KIAA1217: variants seen among roughly 807,000 people sequenced by gnomAD.
KIAA1217 encodes sickle tail protein homolog.
Under a neutral mutation model 163.9 loss-of-function variants are expected in KIAA1217, and 88 were observed. The observed-to-expected ratio is 0.54, with a 90% CI of 0.45 to 0.64. The LOEUF is 0.64. Ranked by LOEUF, KIAA1217 falls within the 30% of genes least tolerant of loss-of-function variation. The probability of loss-of-function intolerance (pLI) is 0.00; values close to 1 mark genes in which losing one functional copy is unlikely to be tolerated. For synonymous variants in KIAA1217, 903 were observed against 923.1 expected, an observed-to-expected ratio of 0.98 and a Z score of 0.39; for missense variants, 2,372 against 2,475.0, an observed-to-expected ratio of 0.96 and a Z score of 0.88.
At chr10:23,948,560 G>A (rs896637763) in intron 1 of KIAA1217, among the ~76,000 whole-genome samples, 1 of 151,924 alleles carries the variant, frequency 6.6e-6, no homozygotes, top group Admixed American at 6.6e-5. Context: ...TGATTTTGAG[G>A]GGAAAAAAAG....
intron 2 of KIAA1217, among the ~76,000 whole-genome samples, chr10:24,317,725 A>G (rs1391479240): frequency 6.6e-6 from 1 of 152,194 alleles, no homozygotes; most frequent in Non-Finnish European, 1.5e-5. Context: ...AAAGGTTCTT[A>G]GGCTTTCTCT....
intron 2 of KIAA1217, among the ~76,000 whole-genome samples, chr10:24,043,234 C>G (rs1049020248): frequency 6.6e-6 from 1 of 152,118 alleles, no homozygotes; most frequent in Non-Finnish European, 1.5e-5. Flanking sequence ...ATTTATAATA[C>G]TTACTTTAAT....
chr10:24,273,795 G>A (rs1175145099), intron 2 of KIAA1217, among the ~76,000 whole-genome samples: 1 of 151,004 alleles, frequency 6.6e-6, no homozygotes, highest in East Asian at 1.9e-4. Flanking sequence ...GGAGGTTGCA[G>A]TGAGCCGAGA....
intron 3 of KIAA1217, among the ~76,000 whole-genome samples, chr10:24,414,869 G>A (rs1236476929): frequency 6.6e-6 from 1 of 150,468 alleles, no homozygotes; most frequent in African/African-American, 2.4e-5. Context: ...CTAGGAGGAA[G>A]TAGCCATGTG....
At chr10:23,798,481 C>T (rs12415090) in intron 1 of KIAA1217, among the ~76,000 whole-genome samples, 6,155 of 152,104 alleles carry the variant, frequency 0.04, 160 homozygotes, top group South Asian at 0.081. Flanking sequence ...TGCCACTTCA[C>T]GTTAATTTTT....
chr10:24,014,554 A>G (rs1475418821), intron 2 of KIAA1217, among the ~76,000 whole-genome samples: 7 of 152,292 alleles, frequency 4.6e-5, no homozygotes, highest in Admixed American at 2.0e-4. Flanking sequence ...GACCCAAAGC[A>G]GTAGAGAGAA....
At chr10:24,113,459 A>G (rs1426224635) in intron 2 of KIAA1217, among the ~76,000 whole-genome samples, 1 of 152,192 alleles carries the variant, frequency 6.6e-6, no homozygotes, top group Non-Finnish European at 1.5e-5. Context: ...CTTTTTAAGG[A>G]AGCCAGTTTG....
At chr10:24,214,044 C>T (rs529648627) in intron 1 of KIAA1217, among the ~76,000 whole-genome samples, 1 of 152,208 alleles carries the variant, frequency 6.6e-6, no homozygotes, top group African/African-American at 2.4e-5. Flanking sequence ...GTAGTCCCAG[C>T]CACTCCAGAT....
intron 10 of KIAA1217, among the ~76,000 whole-genome samples, chr10:24,518,353 A>G (rs542441425): frequency 7.0e-6 from 1 of 142,108 alleles, no homozygotes; most frequent in African/African-American, 2.7e-5. Context: ...CATAGAAGTG[A>G]TATTGTTGTG....
chr10:24,054,799 A>G (rs1475010343), intron 2 of KIAA1217, among the ~76,000 whole-genome samples: 2 of 152,194 alleles, frequency 1.3e-5, no homozygotes, highest in Non-Finnish European at 2.9e-5. Context: ...ACAGCAGATT[A>G]CTGTACTGAA....
intron 1 of KIAA1217, among the ~76,000 whole-genome samples, chr10:23,796,904 G>C (rs1472966900): frequency 6.6e-6 from 1 of 152,148 alleles, no homozygotes; most frequent in Non-Finnish European, 1.5e-5. Context: ...CCAGGCTGGA[G>C]TGCAGTGGTA....
intron 2 of KIAA1217, among the ~76,000 whole-genome samples, chr10:24,038,718 C>T (rs888156236): frequency 6.6e-6 from 1 of 151,698 alleles, no homozygotes; most frequent in Non-Finnish European, 1.5e-5. Context: ...TTCCAAAGCC[C>T]ACTGGGCATG....
chr10:24,169,408 A>T (rs1181584528), intron 2 of KIAA1217, among the ~76,000 whole-genome samples: 1 of 111,532 alleles, frequency 9.0e-6, no homozygotes, highest in East Asian at 3.0e-4. Context: ...TAAGACCACC[A>T]TCAGTCTCTA....
intron 1 of KIAA1217, among the ~76,000 whole-genome samples, chr10:23,849,276 C>T (rs1839189579): frequency 6.6e-6 from 1 of 152,024 alleles, no homozygotes; most frequent in Non-Finnish European, 1.5e-5. Flanking sequence ...GAAGCTTGGG[C>T]TTTATTTTCT....
intron 1 of KIAA1217, among the ~76,000 whole-genome samples, chr10:24,216,695 C>G (rs1390956786): frequency 1.3e-5 from 2 of 151,250 alleles, no homozygotes; most frequent in Non-Finnish European, 2.9e-5. Flanking sequence ...GGCATGGTTG[C>G]GCACGGCTGT....
chr10:23,811,067 A>C (rs1837020511), intron 1 of KIAA1217, among the ~76,000 whole-genome samples: 1 of 126,648 alleles, frequency 7.9e-6, no homozygotes, highest in Admixed American at 8.7e-5. Flanking sequence ...GTTAATCTCT[A>C]TATATAATAC....
intron 5 of KIAA1217, among the ~76,000 whole-genome samples, chr10:24,459,267 A>G (rs544338105): frequency 6.6e-6 from 1 of 152,200 alleles, no homozygotes; most frequent in Admixed American, 6.5e-5. Context: ...CTGAAATTCT[A>G]TTCATCATTC....
At chr10:23,872,671 C>T (rs372308939) in intron 1 of KIAA1217, among the ~76,000 whole-genome samples, 4 of 151,976 alleles carry the variant, frequency 2.6e-5, no homozygotes, top group South Asian at 2.1e-4. Context: ...ATGAGCTCAC[C>T]GAGCTTACTT....
rs755607038 is a variant in KIAA1217 at position 24,473,628 on chromosome 10, A to G, written c.1247A>G (p.Asp416Gly). 6.2e-7 allele frequency: 1 copy of G among 1,614,082 alleles called. No homozygotes were observed. Reference sequence around the variant, plus strand: ...TCATCCCATGGTGGACACCCACTGGATGTCCCCGACCACATCATTGCATAT... The same window carrying G: ...TCATCCCATGGTGGACACCCACTGGGTGTCCCCGACCACATCATTGCATAT... Reference protein sequence around the residue: ...IASSHGGHPLDVPDHIIAYHR... With the variant: ...IASSHGGHPLGVPDHIIAYHR... The change falls in exon 6 of 21, where the codon GAT becomes GGT. Residue 416 changes from aspartate to glycine, a missense_variant. By Grantham distance (94) the Asp-to-Gly change is moderately conservative (BLOSUM62 -1). Coordinates refer to ENST00000376454, the MANE Select transcript of KIAA1217 (RefSeq NM_019590.5).
Sources: gnomAD v4.1 joint callset for allele counts (sites outside exome capture counted in the v4.1 genomes callset) on GRCh38, gnomAD v4.1.1 for gene constraint, MANE v1.5 for transcripts, NCBI Gene and HGNC (gene_info 2026-07-23, HGNC 2026-07-21) for gene names.